REXO2: variants seen among roughly 807,000 people sequenced by gnomAD.
The protein encoded by REXO2 is oligoribonuclease, mitochondrial.
Under a neutral mutation model 30.9 loss-of-function variants are expected in REXO2, and 17 were observed. The ratio of observed to expected loss-of-function variants is 0.55; its 90% CI spans 0.38 to 0.82. The LOEUF (loss-of-function observed/expected upper bound fraction) is 0.82. Ranked by LOEUF, REXO2 falls within the 40% of genes least tolerant of loss-of-function variation. The pLI is 0.00. For synonymous variants in REXO2, 105 were observed against 99.6 expected (o/e 1.05, Z -0.32); for missense variants, 253 against 293.2 (o/e 0.86, Z 1.00).
chr11:114,444,139 T>C lies in REXO2; in HGVS notation c.309+206T>C, dbSNP rs574570608. The C allele has an allele frequency of 2.0e-4, 131 of 654,214 alleles. No homozygotes were observed. The African/African-American group carries it at 2.2e-3, about 11-fold the overall frequency. The allele number at this position is 654,214 out of a possible 1,614,324, so 40.5% of individuals were successfully genotyped here. A position where few individuals can be genotyped will look rare whatever the true frequency, so the allele number is the denominator to read the frequency against. ...CTTCTCCTGAATGTCCTCTTTTTTT[T>C]CTCTCCTACATTCAGTCTGTCGCGA... On this transcript the variant is annotated intron_variant, in intron 3 of 6. Transcript: ENST00000265881.
rs1324642967 is a variant in REXO2 at position 114,446,097 on chromosome 11, A to G, written c.530+10A>G. On this transcript the variant is annotated intron_variant, in intron 5 of 6. Transcript: ENST00000265881. ...TTAAAGAACTGTGCAGGTAAGGGCT[A>G]TATTTAGGATCCATTAAATTACCTC... 5.1e-6 allele frequency: 7 copies of G among 1,369,412 alleles called. No homozygotes were observed. Among genetic ancestry groups the G allele is most frequent in the Middle Eastern group, 1.8e-4 (1 of 5,464 alleles). The allele number at this position is 1,369,412 out of a possible 1,614,324, so 84.8% of individuals were successfully genotyped here. A position where few individuals can be genotyped will look rare whatever the true frequency, so the allele number is the denominator to read the frequency against.
intron 2 of REXO2, among the ~76,000 whole-genome samples, chr11:114,442,472 A>G (rs1170727779): frequency 1.3e-5 from 2 of 151,980 alleles, no homozygotes; most frequent in African/African-American, 2.4e-5. Context: ...GTTTCTTCGC[A>G]GAGATTACCA....
Position 114,439,687 on chromosome 11 carries a change from C to T in REXO2, c.147+12C>T, listed in dbSNP as rs771325107. The stretch of plus-strand genomic sequence containing the variant: ...GGGTGGACCTGGAGGTGAGTGAGGT[C>T]GGCGGGGGGCTTGGGGAGGCGAGTG... On this transcript the variant is annotated intron_variant, in intron 1 of 6. Transcript: ENST00000265881. The T allele has an allele frequency of 6.7e-7, 1 of 1,482,222 alleles. No homozygotes were observed. 91.8% of individuals were successfully genotyped at this position (1,482,222 alleles called of 1,614,324 possible).
At chr11:114,446,970 G>C (rs575862963) in intron 5 of REXO2, among the ~76,000 whole-genome samples, 2 of 127,556 alleles carry the variant, frequency 1.6e-5, no homozygotes, top group East Asian at 4.5e-4. Flanking sequence ...ACGGAGTCTC[G>C]TTCTGTCGCC....
At chr11:114,440,807 C>T in intron 2 of REXO2, 68 bp downstream of exon 2, 2 of 1,224,634 alleles carry the variant, frequency 1.6e-6, no homozygotes, top group Admixed American at 1.8e-5. Context: ...TCATTTTTTC[C>T]AGCTTCTTTA....
At chr11:114,445,725 A>G in intron 4 of REXO2, 2 of 349,784 alleles carry the variant, frequency 5.7e-6, no homozygotes, top group Non-Finnish European at 1.0e-5. Context: ...AGCATGTGGA[A>G]TGATAGATTT....
chr11:114,449,798 A>G (rs1297909725), intron 6 of REXO2, 48 bp from the exon 7 acceptor site: 2 of 1,550,370 alleles, frequency 1.3e-6, no homozygotes, highest in African/African-American at 1.4e-5. Context: ...AATGATTTTC[A>G]TCTCCTGGTT....
chr11:114,440,190 TC>T, intron 1 of REXO2: 1 of 458,292 alleles, frequency 2.2e-6, no homozygotes, highest in South Asian at 1.6e-5. Flanking sequence ...AGAACCCAGT[TC>T]CTATCCCTTC....
chr11:114,443,782 A>G (rs986994789), intron 2 of REXO2, 74 bp from the exon 3 acceptor site: 7 of 1,080,158 alleles, frequency 6.5e-6, no homozygotes, highest in Admixed American at 6.4e-5. Context: ...TCCTTAAAAC[A>G]GCTTAAGCTT....
chr11:114,447,800 G>C, intron 5 of REXO2, 26 bp from the exon 6 acceptor site: 1 of 1,598,332 alleles, frequency 6.3e-7, no homozygotes, highest in Non-Finnish European at 8.5e-7. Context: ...AGCTTCCTTT[G>C]AGAGTTCCAT....
At chr11:114,447,943 T>C (rs1416500689) in intron 6 of REXO2, 64 bp downstream of exon 6, 1 of 1,251,462 alleles carries the variant, frequency 8.0e-7, no homozygotes, top group Non-Finnish European at 1.2e-6. Context: ...AATTCCTGAC[T>C]GCTTGAAATA....
At position 114,443,839 on chromosome 11, in the gene REXO2, G is replaced by C. The variant is rs763682419; in HGVS notation, c.232-17G>C. ...TCCTGTTGTTTCTTGGTGACTGATGGCGTTTCCCATCCACAGGGTCCTAAC... is the reference window on the plus strand; with the variant it reads ...TCCTGTTGTTTCTTGGTGACTGATGCCGTTTCCCATCCACAGGGTCCTAAC... On this transcript the variant is annotated splice_polypyrimidine_tract_variant and intron_variant, in intron 2 of 6. Transcript: ENST00000265881. 6.3e-7 allele frequency: 1 copy of C among 1,590,076 alleles called. No homozygotes were observed. The highest frequency in any genetic ancestry group is 8.6e-7 in the Non-Finnish European group (1 of 1,164,596).
At chr11:114,446,879 C>T (rs1028445121) in intron 5 of REXO2, among the ~76,000 whole-genome samples, 4 of 149,140 alleles carry the variant, frequency 2.7e-5, no homozygotes, top group African/African-American at 5.0e-5. Context: ...TGAGTGATAA[C>T]GATCGTTCTG....
rs1447587310 is a variant in REXO2, at chr11:114,450,134, AT to A, written c.*160del. ...CACGAAATACTATTTTTCTCCTAATATGCTGTTTCCATTATGACACAGCAGC... is the reference window on the plus strand; with the variant it reads ...CACGAAATACTATTTTTCTCCTAATAGCTGTTTCCATTATGACACAGCAGC... On this transcript the variant is annotated 3_prime_UTR_variant, in exon 7 of 7. Transcript: ENST00000265881. The A allele has an allele frequency of 4.8e-6, 3 of 628,924 alleles. No individual in the cohort carries two copies. The Admixed American group carries it at 1.0e-4, about 22-fold the overall frequency. 39.0% of individuals were successfully genotyped at this position (628,924 alleles called of 1,614,324 possible). A position where few individuals can be genotyped will look rare whatever the true frequency, so the allele number is the denominator to read the frequency against.
intron 2 of REXO2, among the ~76,000 whole-genome samples, chr11:114,441,471 A>C (rs1194999400): frequency 6.6e-6 from 1 of 152,242 alleles, no homozygotes; most frequent in Non-Finnish European, 1.5e-5. Context: ...TAGCAAAACA[A>C]AACACACCTG....
At chr11:114,448,947 A>G (rs1159737587) in intron 6 of REXO2, 3 of 152,272 alleles carry the variant, frequency 2.0e-5, no homozygotes, top group African/African-American at 7.2e-5. Flanking sequence ...CATATATCCA[A>G]GTCCTGGAAA....
chr11:114,441,823 T>C, intron 2 of REXO2: 1 of 699,194 alleles, frequency 1.4e-6, no homozygotes, highest in South Asian at 1.5e-5. Flanking sequence ...ACATATCAAC[T>C]GTAGGAGAAT....
chr11:114,448,213 A>C (rs1946521649), intron 6 of REXO2, among the ~76,000 whole-genome samples: 1 of 152,080 alleles, frequency 6.6e-6, no homozygotes, highest in Non-Finnish European at 1.5e-5. Flanking sequence ...AAATTAGAAC[A>C]CTTTTTGTGT....
rs929878698 is a variant in REXO2 at position 114,444,670 on chromosome 11, G to T, written c.421+18G>T. On this transcript the variant is annotated intron_variant, in intron 4 of 6. Coordinates refer to ENST00000265881, the MANE Select transcript of REXO2 (RefSeq NM_015523.4). Reference sequence around the variant, plus strand: ...ACTTGCAGGTAAAATCCAATCCTGTGTATATCTTATAGTCTTCCATATGTA... The same window carrying T: ...ACTTGCAGGTAAAATCCAATCCTGTTTATATCTTATAGTCTTCCATATGTA... 3 of 1,500,900 alleles carry T rather than the reference G, an allele frequency of 2.0e-6. No homozygotes were observed. The highest frequency in any genetic ancestry group is 2.7e-6 in the Non-Finnish European group (3 of 1,106,552). 93.0% of individuals were successfully genotyped at this position (1,500,900 alleles called of 1,614,324 possible).
Sources: gnomAD v4.1 joint callset for allele counts (sites outside exome capture counted in the v4.1 genomes callset) on GRCh38, gnomAD v4.1.1 for gene constraint, MANE v1.5 for transcripts, NCBI Gene and HGNC (gene_info 2026-07-23, HGNC 2026-07-21) for gene names.